TENM4: variants seen among roughly 807,000 people sequenced by gnomAD.
TENM4 encodes teneurin transmembrane protein 4.
TENM4 carries 82 observed loss-of-function variants against 243.3 expected under a neutral mutation model. The observed-to-expected ratio is 0.34, with a 90% CI of 0.28 to 0.40. The LOEUF (loss-of-function observed/expected upper bound fraction) is 0.40. Among genes scored for constraint, TENM4 ranks in the 10% least tolerant of loss-of-function variants. The pLI is 1.00. For missense variants in TENM4, 3,138 were observed against 3,673.3 expected, an observed-to-expected ratio of 0.85 and a Z score of 3.77; for synonymous variants, 1,412 against 1,456.3, an observed-to-expected ratio of 0.97 and a Z score of 0.69.
At chr11:78,666,711 T>C (rs916467523) in intron 32 of TENM4, among the ~76,000 whole-genome samples, 8 of 152,236 alleles carry the variant, frequency 5.3e-5, no homozygotes, top group Admixed American at 2.0e-4. Flanking sequence ...TACATCTGTG[T>C]GACTCTGGGC....
chr11:79,148,637 T>C (rs1317851658), intron 4 of TENM4, 73 bp downstream of exon 4: 2 of 299,492 alleles, frequency 6.7e-6, no homozygotes, highest in Non-Finnish European at 9.8e-6. Flanking sequence ...ATTTAAGAGG[T>C]AGAGAAAAAA....
chr11:79,138,355 A>G (rs1324092165), intron 4 of TENM4, among the ~76,000 whole-genome samples: 1 of 124,578 alleles, frequency 8.0e-6, no homozygotes, highest in African/African-American at 3.1e-5. Flanking sequence ...ATAAAAATAT[A>G]TAATATATAA....
At chr11:78,987,231 C>G (rs1014122492) in intron 6 of TENM4, among the ~76,000 whole-genome samples, 1 of 152,082 alleles carries the variant, frequency 6.6e-6, no homozygotes, top group Non-Finnish European at 1.5e-5. Flanking sequence ...AGTCTGGAAA[C>G]TTTCCAAATG....
chr11:79,187,048 T>C (rs1590776962), intron 3 of TENM4, among the ~76,000 whole-genome samples: 2 of 152,314 alleles, frequency 1.3e-5, no homozygotes, highest in Non-Finnish European at 2.9e-5. Flanking sequence ...CTTAGCCCCA[T>C]TGCCCAACCC....
intron 1 of TENM4, among the ~76,000 whole-genome samples, chr11:79,328,873 C>T (rs1439192103): frequency 6.6e-6 from 1 of 152,126 alleles, no homozygotes; most frequent in East Asian, 1.9e-4. Flanking sequence ...TTCCTAGGGG[C>T]TCAGGGACTT....
intron 6 of TENM4, among the ~76,000 whole-genome samples, chr11:78,928,853 T>C (rs1364230576): frequency 1.3e-5 from 2 of 152,216 alleles, no homozygotes; most frequent in South Asian, 2.1e-4. Flanking sequence ...ACTTTTCTCA[T>C]CTGTAAAAGG....
intron 4 of TENM4, among the ~76,000 whole-genome samples, chr11:79,143,530 G>A (rs1205931455): frequency 6.6e-6 from 1 of 152,024 alleles, no homozygotes; most frequent in African/African-American, 2.4e-5. Flanking sequence ...CTGTTGTGGG[G>A]TGGAGGGAGT....
At chr11:79,256,942 C>T (rs1855710835) in intron 2 of TENM4, among the ~76,000 whole-genome samples, 1 of 152,192 alleles carries the variant, frequency 6.6e-6, no homozygotes, top group South Asian at 2.1e-4. Flanking sequence ...TAACAGATGG[C>T]TCCTCATCTA....
At chr11:78,737,518 A>C (rs1855829075) in intron 20 of TENM4, among the ~76,000 whole-genome samples, 1 of 152,220 alleles carries the variant, frequency 6.6e-6, no homozygotes, top group African/African-American at 2.4e-5. Flanking sequence ...TGCTAAAATC[A>C]ATCAAGCTGG....
chr11:79,250,849 C>T (rs1855597998), intron 2 of TENM4, among the ~76,000 whole-genome samples: 1 of 152,218 alleles, frequency 6.6e-6, no homozygotes, highest in Admixed American at 6.5e-5. Context: ...TATACAATTA[C>T]TTCACAAACA....
chr11:79,392,764 G>T (rs915588645), intron 1 of TENM4, among the ~76,000 whole-genome samples: 1 of 152,198 alleles, frequency 6.6e-6, no homozygotes, highest in Non-Finnish European at 1.5e-5. Flanking sequence ...ATGACGTAGG[G>T]TTTAAGGTCT....
At chr11:79,437,819 G>C (rs1380516923) in intron 1 of TENM4, among the ~76,000 whole-genome samples, 1 of 152,200 alleles carries the variant, frequency 6.6e-6, no homozygotes. Context: ...CGCCTCCGGG[G>C]CGCCCTCCTT....
chr11:78,701,393 A>T (rs1202006025), intron 28 of TENM4, 133 bp downstream of exon 28: 2 of 1,203,174 alleles, frequency 1.7e-6, no homozygotes, highest in Non-Finnish European at 2.3e-6. Context: ...GAATATGAAC[A>T]TGTAGAATGT....
At chr11:79,153,744 G>A (rs948156380) in intron 3 of TENM4, among the ~76,000 whole-genome samples, 2 of 152,128 alleles carry the variant, frequency 1.3e-5, no homozygotes, top group Admixed American at 6.5e-5. Flanking sequence ...ACCATGCAAG[G>A]TTCCCCTGAC....
intron 2 of TENM4, among the ~76,000 whole-genome samples, chr11:79,283,946 C>A (rs1335879257): frequency 6.6e-6 from 1 of 151,860 alleles, no homozygotes; most frequent in Non-Finnish European, 1.5e-5. Flanking sequence ...AAAATAATTC[C>A]ATTTATAATA....
At chr11:79,393,225 A>G (rs1484437261) in intron 1 of TENM4, among the ~76,000 whole-genome samples, 3 of 152,104 alleles carry the variant, frequency 2.0e-5, no homozygotes, top group Non-Finnish European at 4.4e-5. Context: ...ATATAAGAGG[A>G]GTCTCAGAGA....
At chr11:79,434,090 T>C (rs1859223067) in intron 1 of TENM4, among the ~76,000 whole-genome samples, 1 of 152,206 alleles carries the variant, frequency 6.6e-6, no homozygotes, top group Non-Finnish European at 1.5e-5. Context: ...GGAACACATC[T>C]TTTCTGGTCA....
intron 18 of TENM4, among the ~76,000 whole-genome samples, chr11:78,757,996 G>C (rs1856348267): frequency 6.6e-6 from 1 of 152,112 alleles, no homozygotes; most frequent in Non-Finnish European, 1.5e-5. Context: ...CAGATTTTTG[G>C]CCTCATTATA....
intron 3 of TENM4, among the ~76,000 whole-genome samples, chr11:79,192,025 G>A (rs1392095124): frequency 6.6e-6 from 1 of 151,646 alleles, no homozygotes; most frequent in East Asian, 1.9e-4. Flanking sequence ...CTACTGGGAA[G>A]TGAGGAGCCC....
Sources: allele counts gnomAD v4.1 joint callset (sites outside exome capture counted in the v4.1 genomes callset), GRCh38; gene constraint gnomAD v4.1.1; transcripts MANE v1.5; gene names NCBI Gene and HGNC (gene_info 2026-07-23, HGNC 2026-07-21).